The following ZNF276 variants were observed in gnomAD, a reference collection of about 807,000 sequenced individuals.
ZNF276 encodes zinc finger protein 276.
Under a neutral mutation model 63.9 loss-of-function variants are expected in ZNF276, and 59 were observed. That is an observed-to-expected ratio of 0.92 (90% CI 0.75 to 1.15). The LOEUF (loss-of-function observed/expected upper bound fraction) is 1.15. Among genes scored for constraint, ZNF276 ranks in the 50% most tolerant of loss-of-function variants. ZNF276 has a pLI of 0.00. For missense variants in ZNF276, 1,084 were observed against 843.8 expected, an observed-to-expected ratio of 1.28 and a Z score of -3.53; for synonymous variants, 496 against 348.4, an observed-to-expected ratio of 1.42 and a Z score of -4.72.
At chr16:89,720,600 T>G, upstream of ZNF276, 1 of 1,227,746 alleles carries the variant, frequency 8.1e-7, no homozygotes. Flanking sequence ...CACGCCCGGC[T>G]GCGCCCCGCC....
chr16:89,723,640 G>C lies in ZNF276; in HGVS notation c.937G>C (p.Asp313His), dbSNP rs75986066. The C allele has an allele frequency of 9.3e-4, 1,496 of 1,612,678 alleles. 43 individuals carry two copies. The East Asian group carries it at 0.026, about 28-fold the overall frequency. Residue 313 changes from aspartate to histidine, a missense_variant, in exon 4 of 11, where the codon GAC becomes CAC. Coordinates refer to ENST00000443381, the MANE Select transcript of ZNF276 (RefSeq NM_001113525.2). Reference sequence around the variant, plus strand: ...CACGGATGTGGCCCAGCCTCCTTCGGACAGCGACGCGGTGGGGCCCAGGTC... The same window carrying C: ...CACGGATGTGGCCCAGCCTCCTTCGCACAGCGACGCGGTGGGGCCCAGGTC... ...PSTDVAQPPS[D>H]SDAVGPRSGF...
chr16:89,739,290 CTAGAGG>C lies in ZNF276; in HGVS notation c.*1047_*1052del, dbSNP rs1177713219. On this transcript the variant is annotated 3_prime_UTR_variant, in exon 11 of 11. Coordinates refer to ENST00000443381, the MANE Select transcript of ZNF276 (RefSeq NM_001113525.2). ...GTCTTCATGGAAGTAGGAGAGAAGA[CTAGAGG>C]TAAAGACATAGTGACAAATGGCTAC... 6.2e-7 allele frequency: 1 copy of C among 1,614,020 alleles called. No individual in the cohort carries two copies. Among genetic ancestry groups the C allele is most frequent in the African/African-American group, 1.3e-5 (1 of 74,944 alleles).
chr16:89,721,327 G>A (rs2061262333), upstream of ZNF276: 1 of 286,720 alleles, frequency 3.5e-6, no homozygotes, highest in African/African-American at 2.2e-5. Context: ...CTCGTCGTGA[G>A]GTGTCGGCGA....
intron 6 of ZNF276, among the ~76,000 whole-genome samples, chr16:89,730,789 A>G (rs1213025425): frequency 6.6e-6 from 1 of 152,094 alleles, no homozygotes; most frequent in African/African-American, 2.4e-5. Flanking sequence ...GGGCCTCTGC[A>G]CAGCCCCCGG....
intron 9 of ZNF276, among the ~76,000 whole-genome samples, chr16:89,736,352 A>T: frequency 1.6e-5 from 2 of 126,618 alleles, no homozygotes; most frequent in Non-Finnish European, 1.7e-5. Flanking sequence ...TTTTTCCGGG[A>T]CAGTCTGTGT....
In ZNF276 at chr16:89,723,317, G is replaced by C. The variant is rs1423743694; in HGVS notation, c.614G>C (p.Gly205Ala). ...CACGGCTTGGTGGGGTGGGTGCATG[G>C]ACATGCGGCCAGCTGCGGGGCCCTG... ...CLHGLVGWVHGHAASCGALPH... is the reference protein window; with the variant it reads ...CLHGLVGWVHAHAASCGALPH... Residue 205 changes from glycine (G) to alanine (A), a missense_variant, in exon 4 of 11, where the codon GGA becomes GCA. Physicochemically the swap from Gly to Ala is moderately conservative, Grantham distance 60 (BLOSUM62 0). Transcript: ENST00000443381. 6.2e-7 allele frequency: 1 copy of C among 1,613,032 alleles called. No homozygotes were observed.
rs1341850330 is a variant in ZNF276 at position 89,723,173 on chromosome 16, A to G, written c.546A>G (p.Gly182=). 32 of 1,612,880 alleles carry G rather than the reference A, an allele frequency of 2.0e-5. No homozygotes were observed. Among genetic ancestry groups the G allele is most frequent in the Non-Finnish European group, 2.6e-5 (31 of 1,180,010 alleles). The part of the protein sequence containing the change: ...GAQPPTGAEE[G]ACLVDLITSS... ...AGCCCCCAACAGGGGCAGAGGAGGG[A>G]GCGTGTCTGGGTGAGTCCTCCCCCG... is the stretch of plus-strand genomic sequence containing the variant. Residue 182 remains glycine, a synonymous_variant, in exon 3 of 11, where the codon GGA becomes GGG. Coordinates refer to ENST00000443381, the MANE Select transcript of ZNF276 (RefSeq NM_001113525.2).
Position 89,721,820 on chromosome 16 carries a change from G to C in ZNF276, c.180G>C (p.Ala60=). ...AWGPVGSCGD[A]GEDGADEAGA... Reference sequence around the variant, plus strand: ...GCCCGGTGGGGTCCTGCGGGGACGCGGGCGAGGACGGCGCGGACGAGGCAG... The same window carrying C: ...GCCCGGTGGGGTCCTGCGGGGACGCCGGCGAGGACGGCGCGGACGAGGCAG... Residue 60 remains alanine, a synonymous_variant, in exon 1 of 11, where the codon GCG becomes GCC. Coordinates refer to ENST00000443381, the MANE Select transcript of ZNF276 (RefSeq NM_001113525.2). 8.2e-7 allele frequency: 1 copy of C among 1,226,076 alleles called. No individual in the cohort carries two copies. 75.9% of individuals were successfully genotyped at this position (1,226,076 alleles called of 1,614,324 possible).
intron 9 of ZNF276, among the ~76,000 whole-genome samples, chr16:89,734,305 C>G (rs1280701189): frequency 6.8e-6 from 1 of 146,942 alleles, no homozygotes. Context: ...TCTTGGTGTC[C>G]TTTTGCAAAT....
upstream of ZNF276, chr16:89,720,733 C>A: frequency 4.9e-6 from 7 of 1,420,760 alleles, no homozygotes; most frequent in South Asian, 8.6e-5. Flanking sequence ...CCACCCTCAG[C>A]GGCCAAGCCC....
rs898049506 is a variant in ZNF276, at chr16:89,737,685, C to T, written c.1475-121C>T. On this transcript the variant is annotated intron_variant, in intron 9 of 10. Transcript: ENST00000443381. ...CTCATAGGCCCCTTGCTTGGGCCCA[C>T]TGCATGGTGAACCATGTGCAGAAAT... 4.1e-5 allele frequency: 63 copies of T among 1,551,936 alleles called. No homozygotes were observed. The South Asian group carries it at 7.1e-4, about 17-fold the overall frequency.
At chr16:89,722,874 T>TA (rs766413046) in intron 2 of ZNF276, 40 bp downstream of exon 2, 3 of 1,581,292 alleles carry the variant, frequency 1.9e-6, no homozygotes, top group Non-Finnish European at 2.6e-6. Context: ...AGGCTGTCAG[T>TA]ACTGCAGTGT....
chr16:89,738,952 G>T lies in ZNF276; in HGVS notation c.*706G>T. The T allele has an allele frequency of 6.2e-7, 1 of 1,614,260 alleles. No homozygotes were observed. ...CTGCAGCAGAAAAAGACGAGCTTTT[G>T]TTATCAGTTCCACGGGGTTGCCCTA... On this transcript the variant is annotated 3_prime_UTR_variant, in exon 11 of 11. Coordinates refer to ENST00000443381, the MANE Select transcript of ZNF276 (RefSeq NM_001113525.2).
At chr16:89,730,105 G>A (rs1023960244) in intron 6 of ZNF276, among the ~76,000 whole-genome samples, 1 of 152,176 alleles carries the variant, frequency 6.6e-6, no homozygotes, top group Admixed American at 6.5e-5. Context: ...CTTTTTTCAT[G>A]GAAGTTCTGA....
intron 5 of ZNF276, among the ~76,000 whole-genome samples, chr16:89,728,685 A>G (rs1016748661): frequency 2.6e-5 from 4 of 151,974 alleles, no homozygotes; most frequent in Non-Finnish European, 5.9e-5. Flanking sequence ...TACAGGTGTT[A>G]GCCACCGCAC....
intron 6 of ZNF276, chr16:89,731,813 C>T (rs1319187883): frequency 6.6e-6 from 1 of 152,190 alleles, no homozygotes; most frequent in African/African-American, 2.4e-5. Context: ...GGATTTTGTG[C>T]CCTGCAACTT....
intron 4 of ZNF276, 90 bp from the exon 5 acceptor site, chr16:89,727,189 T>C: frequency 3.0e-6 from 4 of 1,330,708 alleles, no homozygotes; most frequent in Non-Finnish European, 4.3e-6. Flanking sequence ...GTCTCCCTTC[T>C]AGTCATCAAT....
chr16:89,737,760 G>A (rs757289385), intron 9 of ZNF276, 46 bp from the exon 10 acceptor site: 2 of 1,611,056 alleles, frequency 1.2e-6, no homozygotes, highest in African/African-American at 1.3e-5. Context: ...CCCCCCGGGA[G>A]GTTGGAGCAT....
At chr16:89,727,037 TCTG>T (rs2061491435) in intron 4 of ZNF276, among the ~76,000 whole-genome samples, 1 of 152,228 alleles carries the variant, frequency 6.6e-6, no homozygotes, top group South Asian at 2.1e-4. Context: ...GCTTTCTGGT[TCTG>T]CTGTTCCTGA....
Sources: gnomAD v4.1 joint callset for allele counts (sites outside exome capture counted in the v4.1 genomes callset) on GRCh38, gnomAD v4.1.1 for gene constraint, MANE v1.5 for transcripts, NCBI Gene and HGNC (gene_info 2026-07-23, HGNC 2026-07-21) for gene names.